PCNX1: variants seen among roughly 807,000 people sequenced by gnomAD.
PCNX1 encodes pecanex-like protein 1.
PCNX1 carries 78 observed loss-of-function variants against 242.2 expected under a neutral mutation model. That is an observed-to-expected ratio of 0.32 (90% CI 0.27 to 0.39). The LOEUF (loss-of-function observed/expected upper bound fraction) is 0.39, where lower values mean the gene tolerates loss of function less well. Among genes scored for constraint, PCNX1 ranks in the 10% least tolerant of loss-of-function variants. PCNX1 has a pLI of 1.00. For missense variants in PCNX1, 2,581 were observed against 2,856.5 expected (o/e 0.90, Z 2.20); for synonymous variants, 1,024 against 1,032.9 (o/e 0.99, Z 0.17).
chr14:70,943,710 G>A (rs1012187918), intron 1 of PCNX1, among the ~76,000 whole-genome samples: 23 of 152,282 alleles, frequency 1.5e-4, no homozygotes, highest in African/African-American at 4.8e-4. Context: ...TGTCTCCAGC[G>A]CATGTCAGAG....
intron 22 of PCNX1, among the ~76,000 whole-genome samples, 189 bp from the exon 23 acceptor site, chr14:71,050,463 C>G (rs932884336): frequency 6.6e-6 from 1 of 152,120 alleles, no homozygotes; most frequent in East Asian, 1.9e-4. Flanking sequence ...AGTATCTTTA[C>G]TCAGAAATAA....
chr14:71,068,587 C>CGTGTGTGT (rs905951215), intron 26 of PCNX1, among the ~76,000 whole-genome samples: 1 of 85,514 alleles, frequency 1.2e-5, no homozygotes, highest in Non-Finnish European at 2.2e-5. Context: ...TTTGTATGTA[C>CGTGTGTGT]GTGCGTGTGT....
chr14:71,019,067 T>A lies in PCNX1; in HGVS notation c.3055T>A (p.Leu1019Met). ...AVILAILVAF[L>M]GSILLIQGFF... ...CATCCTGGCTATTCTCGTGGCCTTTTTGGGATCTATTCTTCTCATACAAGG... is the reference window on the plus strand; with the variant it reads ...CATCCTGGCTATTCTCGTGGCCTTTATGGGATCTATTCTTCTCATACAAGG... Residue 1019 changes from leucine (L) to methionine (M), a missense_variant, in exon 12 of 36, where the codon TTG becomes ATG. Transcript: ENST00000304743. 6.2e-7 allele frequency: 1 copy of A among 1,613,504 alleles called. No homozygotes were observed. Among genetic ancestry groups the A allele is most frequent in the Admixed American group, 1.7e-5 (1 of 59,956 alleles).
intron 28 of PCNX1, among the ~76,000 whole-genome samples, chr14:71,078,280 A>G (rs1566782423): frequency 6.6e-6 from 1 of 152,204 alleles, no homozygotes; most frequent in African/African-American, 2.4e-5. Flanking sequence ...CCCTGAATCA[A>G]CATTCCCAGA....
At chr14:71,030,902 T>A (rs1270709958) in intron 16 of PCNX1, among the ~76,000 whole-genome samples, 1 of 152,196 alleles carries the variant, frequency 6.6e-6, no homozygotes, top group Admixed American at 6.5e-5. Context: ...TTATACTAAT[T>A]CAAATTCATT....
intron 33 of PCNX1, among the ~76,000 whole-genome samples, chr14:71,107,506 CTTTTTA>C (rs969511511): frequency 2.6e-5 from 4 of 151,972 alleles, no homozygotes; most frequent in African/African-American, 9.7e-5. Flanking sequence ...TTGATTAGCT[CTTTTTA>C]TTTTTAGGTA....
At chr14:71,018,930 T>C (rs995827522) in intron 11 of PCNX1, 79 bp from the exon 12 acceptor site, 20 of 1,208,894 alleles carry the variant, frequency 1.7e-5, no homozygotes, top group African/African-American at 1.2e-4. Context: ...TTCATATTTA[T>C]GTCTTCCCTT....
rs2058734721 is a variant in PCNX1 at position 70,978,095 on chromosome 14, TTC to T, written c.1760_1761del (p.Ser587TrpfsTer12). Reference sequence around the variant, plus strand: ...GGGACTATGTTTGCTTTCGAGGTGTTTCTGGTACCAAGCCACACAGTGCTATA... The same window carrying T: ...GGGACTATGTTTGCTTTCGAGGTGTTTGGTACCAAGCCACACAGTGCTATA... ...HRDYVCFRGV[S>X]GTKPHSAIFC... On this transcript the variant is annotated frameshift_variant, in exon 6 of 36. Transcript: ENST00000304743. LOFTEE classifies it high-confidence loss of function. 1 of 1,614,024 alleles carries T rather than the reference TTC, an allele frequency of 6.2e-7. No homozygotes were observed. Among genetic ancestry groups the T allele is most frequent in the Admixed American group, 1.7e-5 (1 of 59,998 alleles).
At chr14:70,983,630 T>C (rs571059067) in intron 6 of PCNX1, among the ~76,000 whole-genome samples, 2 of 147,224 alleles carry the variant, frequency 1.4e-5, no homozygotes, top group African/African-American at 2.4e-5. Context: ...TACTGTTTGC[T>C]CTGGTTCCTT....
At chr14:71,087,141 A>G (rs1461311945) in intron 28 of PCNX1, among the ~76,000 whole-genome samples, 2 of 152,074 alleles carry the variant, frequency 1.3e-5, no homozygotes, top group Non-Finnish European at 2.9e-5. Flanking sequence ...TCTTTATACA[A>G]CTTCAAGTCT....
intron 2 of PCNX1, among the ~76,000 whole-genome samples, chr14:70,960,154 C>T (rs375435122): frequency 1.6e-4 from 19 of 117,324 alleles, no homozygotes; most frequent in East Asian, 1.3e-3. Context: ...GAGTAGGTTG[C>T]GAAAATTTTC....
chr14:71,109,986 T>C lies in PCNX1; in HGVS notation c.*51T>C, dbSNP rs2062724379. 1 of 1,547,792 alleles carries C rather than the reference T, an allele frequency of 6.5e-7. No homozygotes were observed. Among genetic ancestry groups the C allele is most frequent in the Non-Finnish European group, 8.9e-7 (1 of 1,120,266 alleles). On this transcript the variant is annotated 3_prime_UTR_variant, in exon 36 of 36. Coordinates refer to ENST00000304743, the MANE Select transcript of PCNX1 (RefSeq NM_014982.3). The stretch of plus-strand genomic sequence containing the variant: ...CTTTTTCCCTCTCAATTCCAAGGCA[T>C]TGGAAAAAGAGAGGAACAAGCAGAA...
intron 12 of PCNX1, among the ~76,000 whole-genome samples, chr14:71,022,502 C>T (rs1340055170): frequency 1.3e-5 from 2 of 152,120 alleles, no homozygotes; most frequent in African/African-American, 2.4e-5. Flanking sequence ...ATGCCAAACT[C>T]AGTGAGCTTG....
intron 1 of PCNX1, among the ~76,000 whole-genome samples, chr14:70,939,797 A>T (rs2057159713): frequency 6.6e-6 from 1 of 152,122 alleles, no homozygotes; most frequent in Non-Finnish European, 1.5e-5. Flanking sequence ...AGCTTGCTTT[A>T]TGAATCCGGG....
chr14:71,112,979 T>C lies in PCNX1; in HGVS notation c.*3044T>C, dbSNP rs1265034410. 4 of 152,218 alleles carry C rather than the reference T, an allele frequency of 2.6e-5. No homozygotes were observed. The highest frequency in any genetic ancestry group is 5.9e-5 in the Non-Finnish European group (4 of 68,024). 9.4% of individuals were successfully genotyped at this position (152,218 alleles called of 1,614,324 possible). A position where few individuals can be genotyped will look rare whatever the true frequency, so the allele number is the denominator to read the frequency against. On this transcript the variant is annotated 3_prime_UTR_variant, in exon 36 of 36. Transcript: ENST00000304743. ...ATAACTCCTAAGTTTTTGGTTAATC[T>C]TCCAACTTATACCTTGGTGTGAACT... is the stretch of plus-strand genomic sequence containing the variant.
At chr14:70,957,251 G>A (rs984031014) in intron 2 of PCNX1, among the ~76,000 whole-genome samples, 9 of 152,006 alleles carry the variant, frequency 5.9e-5, no homozygotes, top group African/African-American at 9.7e-5. Context: ...GGCCTCCCGC[G>A]TGCTAGGATT....
At chr14:70,951,175 G>C (rs937217285) in intron 2 of PCNX1, among the ~76,000 whole-genome samples, 5 of 151,542 alleles carry the variant, frequency 3.3e-5, no homozygotes, top group Non-Finnish European at 7.4e-5. Context: ...TGTAAATTTA[G>C]ATGCTTTCTT....
intron 24 of PCNX1, among the ~76,000 whole-genome samples, chr14:71,053,911 C>G (rs1416293173): frequency 1.3e-5 from 2 of 152,024 alleles, no homozygotes; most frequent in African/African-American, 4.8e-5. Flanking sequence ...TTGTATCTAC[C>G]TGTACATTCA....
intron 2 of PCNX1, among the ~76,000 whole-genome samples, chr14:70,961,052 G>A (rs2058193028): frequency 1.3e-5 from 2 of 152,140 alleles, no homozygotes; most frequent in Admixed American, 6.6e-5. Context: ...CATGCTCATA[G>A]GTAGGAAGAA....
Sources: allele counts gnomAD v4.1 joint callset (sites outside exome capture counted in the v4.1 genomes callset), GRCh38; gene constraint gnomAD v4.1.1; transcripts MANE v1.5; gene names NCBI Gene and HGNC (gene_info 2026-07-23, HGNC 2026-07-21).